The following NHSL1 variants were observed in gnomAD, a reference collection of about 807,000 sequenced individuals.
NHSL1 encodes NHS like 1.
NHSL1 carries 48 observed loss-of-function variants against 95.0 expected under a neutral mutation model. The observed-to-expected ratio is 0.51, with a 90% CI of 0.40 to 0.64. The LOEUF is 0.64. Among genes scored for constraint, NHSL1 ranks in the 30% least tolerant of loss-of-function variants. The pLI is 0.00. For missense variants in NHSL1, 1,971 were observed against 2,077.7 expected, an observed-to-expected ratio of 0.95 and a Z score of 1.00; for synonymous variants, 783 against 833.9, an observed-to-expected ratio of 0.94 and a Z score of 1.05.
intron 3 of NHSL1, among the ~76,000 whole-genome samples, chr6:138,468,090 A>C (rs1160464785): frequency 1.3e-5 from 2 of 152,176 alleles, no homozygotes; most frequent in African/African-American, 4.8e-5. Context: ...CTAAGTGTGC[A>C]GTATTTATAA....
Position 138,433,054 on chromosome 6 carries a change from G to T in NHSL1, c.1291C>A (p.Gln431Lys), listed in dbSNP as rs1775818148. The T allele has an allele frequency of 6.4e-7, 1 of 1,551,332 alleles. No homozygotes were observed. The highest frequency in any genetic ancestry group is 8.7e-7 in the Non-Finnish European group (1 of 1,146,956). ...SSEVIAIPTA[Q>K]SAGQRESKSS... Reference sequence around the variant, plus strand: ...TTACTTTCCCGCTGTCCCGCACTCTGAGCAGTGGGAATAGCGATGACCTCG... The same window carrying T: ...TTACTTTCCCGCTGTCCCGCACTCTTAGCAGTGGGAATAGCGATGACCTCG... Residue 431 changes from glutamine to lysine, a missense_variant, in exon 6 of 8, where the codon CAG becomes AAG. By Grantham distance (53) the Gln-to-Lys change is moderately conservative. Around this residue, in one of 3 missense-constraint regions of NHSL1, gnomAD observed 1,602 missense variants for 1,654.5 expected, o/e 0.97. Coordinates refer to ENST00000343505, the MANE Select transcript of NHSL1 (RefSeq NM_001144060.2).
At chr6:138,506,052 T>C (rs1583321970) in intron 1 of NHSL1, among the ~76,000 whole-genome samples, 1 of 152,164 alleles carries the variant, frequency 6.6e-6, no homozygotes, top group Admixed American at 6.5e-5. Context: ...CATTGAAACA[T>C]TGGAAAACAT....
chr6:138,666,508 C>T (rs946409376), intron 1 of NHSL1, among the ~76,000 whole-genome samples: 7 of 148,026 alleles, frequency 4.7e-5, no homozygotes, highest in Non-Finnish European at 1.0e-4. Flanking sequence ...AGGAGAATGA[C>T]GTGAACCTGG....
At chr6:138,460,818 G>A (rs993914664) in intron 3 of NHSL1, among the ~76,000 whole-genome samples, 1 of 151,022 alleles carries the variant, frequency 6.6e-6, no homozygotes, top group African/African-American at 2.4e-5. Flanking sequence ...CTCTGTGAGC[G>A]CACCTCAGCC....
intron 3 of NHSL1, among the ~76,000 whole-genome samples, chr6:138,463,269 T>C (rs1562295615): frequency 6.6e-6 from 1 of 152,122 alleles, no homozygotes; most frequent in Non-Finnish European, 1.5e-5. Flanking sequence ...ATCAATCAGA[T>C]CATGTTACTT....
chr6:138,530,230 T>C (rs1046795947), intron 1 of NHSL1, among the ~76,000 whole-genome samples: 2 of 152,130 alleles, frequency 1.3e-5, no homozygotes, highest in Non-Finnish European at 2.9e-5. Context: ...CCCAGAGAAA[T>C]GCAAATTAAA....
intron 1 of NHSL1, among the ~76,000 whole-genome samples, chr6:138,626,005 T>C (rs998206435): frequency 6.6e-6 from 1 of 152,248 alleles, no homozygotes; most frequent in Non-Finnish European, 1.5e-5. Flanking sequence ...AAAACTACTG[T>C]TGAGTTTTTC....
At chr6:138,425,596 G>T (rs145370782) in intron 7 of NHSL1, among the ~76,000 whole-genome samples, 1 of 152,024 alleles carries the variant, frequency 6.6e-6, no homozygotes, top group Non-Finnish European at 1.5e-5. Flanking sequence ...TTTAATAATG[G>T]CCAGTTTTCC....
intron 1 of NHSL1, among the ~76,000 whole-genome samples, chr6:138,668,659 TC>T (rs1785326289): frequency 6.8e-6 from 1 of 147,666 alleles, no homozygotes; most frequent in Admixed American, 6.8e-5. Context: ...AGAGTCTTGC[TC>T]TGTAGCCAGG....
upstream of NHSL1, among the ~76,000 whole-genome samples, chr6:138,550,249 AT>A (rs546887780): frequency 2.3e-4 from 35 of 152,260 alleles, no homozygotes; most frequent in African/African-American, 8.2e-4. Flanking sequence ...CAAAAAAAAA[AT>A]AATAAAATAA....
At chr6:138,642,823 C>T (rs1021316625) in intron 1 of NHSL1, among the ~76,000 whole-genome samples, 1 of 151,988 alleles carries the variant, frequency 6.6e-6, no homozygotes, top group Non-Finnish European at 1.5e-5. Flanking sequence ...CAGATAAGGG[C>T]GGTGGGTCGC....
rs1435148983 is a variant in NHSL1 at position 138,431,535 on chromosome 6, G to C, written c.2810C>G (p.Ser937Cys). Reference protein sequence around the residue: ...PPAPPPPPVPSPPFPCPADRS... With the variant: ...PPAPPPPPVPCPPFPCPADRS... ...GTCTGCAGGACAAGGGAATGGAGGA[G>C]AGGGAACAGGAGGAGGAGGAGGAGC... Residue 937 changes from serine to cysteine, a missense_variant, in exon 6 of 8, where the codon TCT (serine) becomes TGT (cysteine). Transcript: ENST00000343505. The surrounding 1 kb of genome is among the most constrained non-coding windows in gnomAD (Gnocchi z 4.0). The C allele has an allele frequency of 6.4e-7, 1 of 1,550,972 alleles. No homozygotes were observed. Among genetic ancestry groups the C allele is most frequent in the African/African-American group, 1.4e-5 (1 of 73,012 alleles).
At chr6:138,515,158 G>GTAT (rs1362333518) in intron 1 of NHSL1, among the ~76,000 whole-genome samples, 1 of 152,038 alleles carries the variant, frequency 6.6e-6, no homozygotes, top group African/African-American at 2.4e-5. Flanking sequence ...CAAAACTTAT[G>GTAT]TATTATTATT....
upstream of NHSL1, among the ~76,000 whole-genome samples, chr6:138,547,726 C>A (rs964471214): frequency 1.3e-5 from 2 of 152,126 alleles, no homozygotes; most frequent in Non-Finnish European, 2.9e-5. Context: ...CCTCATAGCT[C>A]ATTTCATTTG....
At chr6:138,436,046 T>C (rs1471017772) in intron 5 of NHSL1, among the ~76,000 whole-genome samples, 1 of 152,168 alleles carries the variant, frequency 6.6e-6, no homozygotes, top group East Asian at 1.9e-4. Context: ...CTCTCCCTCT[T>C]CTTGGGCTTC....
chr6:138,572,488 A>AG (rs1783875625), exon 1 of NHSL1: 1 of 152,644 alleles, frequency 6.6e-6, no homozygotes, highest in Non-Finnish European at 1.5e-5. Context: ...GCCCCAGCAC[A>AG]GGGCAGAATC....
At chr6:138,655,206 C>T (rs9321668) in intron 1 of NHSL1, among the ~76,000 whole-genome samples, 47,861 of 151,976 alleles carry the variant, frequency 0.31, 7,961 homozygotes, top group African/African-American at 0.42. Context: ...TTCTGTAATA[C>T]ACTAATTGAG....
intron 1 of NHSL1, among the ~76,000 whole-genome samples, chr6:138,560,210 C>A (rs1011314664): frequency 2.6e-5 from 4 of 152,230 alleles, no homozygotes; most frequent in Non-Finnish European, 5.9e-5. Context: ...ATAACCTTCC[C>A]CTGGTTACAG....
At chr6:138,589,430 T>TG (rs1211930377) in intron 1 of NHSL1, among the ~76,000 whole-genome samples, 1 of 152,142 alleles carries the variant, frequency 6.6e-6, no homozygotes, top group African/African-American at 2.4e-5. Flanking sequence ...GGGGCCTGGC[T>TG]GGCTTGTGCA....
Sources: gnomAD v4.1 joint callset for allele counts (sites outside exome capture counted in the v4.1 genomes callset) on GRCh38, gnomAD v4.1.1 for gene constraint, gnomAD v4.1.1 regional missense constraint, Gnocchi (gnomAD v3.1) non-coding constraint, MANE v1.5 for transcripts, NCBI Gene and HGNC (gene_info 2026-07-23, HGNC 2026-07-21) for gene names.